The following RAB28 variants were observed in gnomAD, a reference collection of about 807,000 sequenced individuals.
RAB28 encodes the protein RAB28, member RAS oncogene family.
In RAB28, 24 loss-of-function variants were observed where a neutral mutation model predicts 31.7. The ratio of observed to expected loss-of-function variants is 0.76; its 90% CI spans 0.55 to 1.06. The LOEUF is 1.06. Ranked by LOEUF, RAB28 falls within the 50% of genes least tolerant of loss-of-function variation. The probability of loss-of-function intolerance (pLI) is 0.00; values close to 1 mark genes in which losing one functional copy is unlikely to be tolerated. For synonymous variants in RAB28, 100 were observed against 90.4 expected (o/e 1.11, Z -0.60); for missense variants, 254 against 258.5 (o/e 0.98, Z 0.12).
At chr4:13,478,858 T>G (rs1716483501) in intron 2 of RAB28, among the ~76,000 whole-genome samples, 1 of 151,642 alleles carries the variant, frequency 6.6e-6, no homozygotes, top group Non-Finnish European at 1.5e-5. Flanking sequence ...CTTTGCATGG[T>G]GAAGTGAAAC....
intron 4 of RAB28, among the ~76,000 whole-genome samples, chr4:13,442,343 T>A (rs559840687): frequency 6.6e-6 from 1 of 151,958 alleles, no homozygotes; most frequent in Admixed American, 6.6e-5. Flanking sequence ...TTATGCAGCA[T>A]CTTTTTTTTT....
At chr4:13,414,902 C>A (rs1183843131) in intron 4 of RAB28, among the ~76,000 whole-genome samples, 1 of 152,048 alleles carries the variant, frequency 6.6e-6, no homozygotes, top group Non-Finnish European at 1.5e-5. Context: ...GGATGAAAAC[C>A]AACTTCCTTA....
chr4:13,381,299 A>G (rs1729118191), intron 5 of RAB28, among the ~76,000 whole-genome samples, 192 bp downstream of exon 5: 2 of 152,158 alleles, frequency 1.3e-5, no homozygotes, highest in South Asian at 4.1e-4. Context: ...CCTTTTAAAA[A>G]TAACTAAAAT....
At chr4:13,480,749 T>C (rs918884991) in intron 1 of RAB28, among the ~76,000 whole-genome samples, 7 of 151,958 alleles carry the variant, frequency 4.6e-5, no homozygotes, top group Non-Finnish European at 1.0e-4. Flanking sequence ...AGCACTACCA[T>C]ATAAAGGGTA....
intron 4 of RAB28, among the ~76,000 whole-genome samples, chr4:13,436,776 G>A (rs550601948): frequency 5.3e-5 from 8 of 151,882 alleles, no homozygotes; most frequent in Non-Finnish European, 7.4e-5. Context: ...ATGACCACAC[G>A]ACCATACTAC....
chr4:13,432,405 G>A (rs1298024873), intron 4 of RAB28, among the ~76,000 whole-genome samples: 3 of 152,112 alleles, frequency 2.0e-5, no homozygotes, highest in Non-Finnish European at 2.9e-5. Flanking sequence ...AATCTTGCAA[G>A]AGAGGTCAAC....
intron 4 of RAB28, among the ~76,000 whole-genome samples, chr4:13,440,081 GA>G (rs946980528): frequency 2.6e-5 from 4 of 151,814 alleles, no homozygotes; most frequent in Non-Finnish European, 4.4e-5. Flanking sequence ...AATCCACTTG[GA>G]AAAAAAGTAT....
intron 4 of RAB28, among the ~76,000 whole-genome samples, chr4:13,430,258 A>G (rs1477862979): frequency 6.6e-6 from 1 of 152,186 alleles, no homozygotes; most frequent in African/African-American, 2.4e-5. Flanking sequence ...TTCTCCTCAG[A>G]GAGAAGACCA....
At chr4:13,406,450 C>T (rs546482538) in intron 4 of RAB28, among the ~76,000 whole-genome samples, 55 of 152,142 alleles carry the variant, frequency 3.6e-4, no homozygotes, top group African/African-American at 1.2e-3. Context: ...TGAATAGTGC[C>T]GCAATAAACA....
chr4:13,383,775 T>C (rs905975128), intron 4 of RAB28, among the ~76,000 whole-genome samples: 10 of 152,210 alleles, frequency 6.6e-5, no homozygotes, highest in Non-Finnish European at 1.3e-4. Context: ...GCACATGCCA[T>C]CTTGCCTGAC....
intron 4 of RAB28, among the ~76,000 whole-genome samples, chr4:13,383,423 T>A (rs910734557): frequency 2.0e-5 from 3 of 152,108 alleles, no homozygotes; most frequent in Non-Finnish European, 4.4e-5. Context: ...CAAACAAAAG[T>A]TTTTTTCCTA....
At chr4:13,450,339 A>G (rs1175407012) in intron 4 of RAB28, among the ~76,000 whole-genome samples, 1 of 151,886 alleles carries the variant, frequency 6.6e-6, no homozygotes, top group Non-Finnish European at 1.5e-5. Context: ...AACATGATCT[A>G]GTATAAAACT....
At chr4:13,369,941 T>A (rs760151466) in intron 6 of RAB28, 2 of 1,612,080 alleles carry the variant, frequency 1.2e-6, no homozygotes, top group South Asian at 2.2e-5. Context: ...TCCGGGTACT[T>A]CACTATTTCT....
At chr4:13,397,201 T>G (rs1729906465) in intron 4 of RAB28, among the ~76,000 whole-genome samples, 1 of 152,108 alleles carries the variant, frequency 6.6e-6, no homozygotes, top group African/African-American at 2.4e-5. Flanking sequence ...ACAAAGGTGG[T>G]GAGGGCAACA....
chr4:13,383,522 A>G (rs1270856341), intron 4 of RAB28, among the ~76,000 whole-genome samples: 1 of 152,130 alleles, frequency 6.6e-6, no homozygotes, highest in African/African-American at 2.4e-5. Context: ...AGCATCTATT[A>G]TATGCCAGGT....
Position 13,406,997 on chromosome 4 carries a change from G to A in RAB28, c.392-25403C>T, listed in dbSNP as rs576451233. Among the ~76,000 whole-genome samples, 404 of 152,234 alleles carry A rather than the reference G, an allele frequency of 2.7e-3. 2 individuals carry two copies. Among genetic ancestry groups the A allele is most frequent in the Non-Finnish European group, 4.9e-3 (333 of 68,006 alleles). ...TCTTTTGCTGTGCAGAAGCTCTTTA[G>A]TTTAATTAGATCACATTTGTCAATT... On this transcript the variant is annotated intron_variant, in intron 4 of 6. Transcript: ENST00000330852.
intron 4 of RAB28, among the ~76,000 whole-genome samples, chr4:13,426,630 G>C (rs1713511699): frequency 6.6e-6 from 1 of 151,996 alleles, no homozygotes; most frequent in African/African-American, 2.4e-5. Flanking sequence ...AGGCCCTTAA[G>C]AATAGAAACT....
intron 4 of RAB28, among the ~76,000 whole-genome samples, chr4:13,390,539 C>A (rs1212183226): frequency 4.0e-5 from 6 of 151,448 alleles, no homozygotes; most frequent in Middle Eastern, 3.4e-3. Context: ...CTACCATTGA[C>A]TTTCTTCACA....
intron 4 of RAB28, among the ~76,000 whole-genome samples, chr4:13,389,369 T>G (rs1729525553): frequency 1.3e-5 from 2 of 152,126 alleles, no homozygotes; most frequent in Admixed American, 1.3e-4. Flanking sequence ...GAAAAAGTTC[T>G]GAAGATTTGT....
Sources: allele counts gnomAD v4.1 joint callset (sites outside exome capture counted in the v4.1 genomes callset), GRCh38; gene constraint gnomAD v4.1.1; transcripts MANE v1.5; gene names NCBI Gene and HGNC (gene_info 2026-07-23, HGNC 2026-07-21).